MTCL1: variants seen among roughly 807,000 people sequenced by gnomAD.
MTCL1 encodes microtubule cross-linking factor 1.
MTCL1 carries 79 observed loss-of-function variants against 141.4 expected under a neutral mutation model. That is an observed-to-expected ratio of 0.56 (90% CI 0.47 to 0.67). MTCL1 has a LOEUF of 0.67. Among genes scored for constraint, MTCL1 ranks in the 30% least tolerant of loss-of-function variants. The pLI is 0.00. For missense variants in MTCL1, 2,177 were observed against 2,113.9 expected, an observed-to-expected ratio of 1.03 and a Z score of -0.59; for synonymous variants, 914 against 875.8, an observed-to-expected ratio of 1.04 and a Z score of -0.77.
Position 8,819,078 on chromosome 18 carries a change from T to C in MTCL1, c.2975T>C (p.Met992Thr), listed in dbSNP as rs751488272. Reference sequence around the variant, plus strand: ...CTCCGCATGCCCCGTCCAGTGGCCATGTGGCCTTGTGCAGATGCTGACTCC... The same window carrying C: ...CTCCGCATGCCCCGTCCAGTGGCCACGTGGCCTTGTGCAGATGCTGACTCC... The change falls in exon 13 of 17, where the codon ATG becomes ACG. Residue 992 changes from methionine (M) to threonine (T), a missense_variant. Transcript: ENST00000359865. 4 of 1,614,126 alleles carry C rather than the reference T, an allele frequency of 2.5e-6. No homozygotes were observed. In the Admixed American group the frequency reaches 5.0e-5, roughly 20 times the overall value.
intron 4 of MTCL1, among the ~76,000 whole-genome samples, chr18:8,764,877 C>T (rs2096452334): frequency 6.6e-6 from 1 of 152,186 alleles, no homozygotes; most frequent in African/African-American, 2.4e-5. Flanking sequence ...GTCATGGAGG[C>T]TTTTAAAAAC....
exon 17 of MTCL1, chr18:8,831,610 C>G (rs199685634): frequency 1.4e-4 from 221 of 1,550,364 alleles, no homozygotes; most frequent in Non-Finnish European, 1.9e-4. Flanking sequence ...TCTGAAGGAA[C>G]TACCTTGTTC....
intron 11 of MTCL1, among the ~76,000 whole-genome samples, chr18:8,807,323 T>G (rs1002119239): frequency 6.6e-6 from 1 of 152,184 alleles, no homozygotes; most frequent in Non-Finnish European, 1.5e-5. Context: ...TAAACAAGCT[T>G]GTATTTAGCT....
At chr18:8,713,475 A>G (rs2096107176), upstream of MTCL1, among the ~76,000 whole-genome samples, 1 of 152,240 alleles carries the variant, frequency 6.6e-6, no homozygotes, top group Admixed American at 6.5e-5. Context: ...GATGTCATTA[A>G]GGTTCTGCAA....
intron 4 of MTCL1, among the ~76,000 whole-genome samples, chr18:8,742,728 A>G (rs1219940801): frequency 6.6e-6 from 1 of 152,226 alleles, no homozygotes; most frequent in Admixed American, 6.5e-5. Flanking sequence ...AGTCTCAGAT[A>G]CCTACACACG....
In MTCL1 at chr18:8,830,579, A is replaced by C. The variant is rs1455284267; in HGVS notation, c.*19-1028A>C. Reference sequence around the variant, plus strand: ...GGGCTGTCCTCATCCTGGTCTTTTCAGTTGCTTGTCACATCTTTTTAAATC... The same window carrying C: ...GGGCTGTCCTCATCCTGGTCTTTTCCGTTGCTTGTCACATCTTTTTAAATC... On this transcript the variant is annotated intron_variant, in intron 16 of 16. Transcript: ENST00000359865. The surrounding 1 kb of genome is among the most constrained non-coding windows in gnomAD (Gnocchi z 6.4). The C allele has an allele frequency of 2.0e-6, 2 of 985,814 alleles. No individual in the cohort carries two copies. Among genetic ancestry groups the C allele is most frequent in the East Asian group, 1.1e-4 (1 of 8,846 alleles). The allele number at this position is 985,814 out of a possible 1,614,324, so 61.1% of individuals were successfully genotyped here.
chr18:8,780,076 G>A (rs2096527613), intron 5 of MTCL1, among the ~76,000 whole-genome samples: 1 of 152,140 alleles, frequency 6.6e-6, no homozygotes, highest in Non-Finnish European at 1.5e-5. Flanking sequence ...ATAACCTCCA[G>A]CGTGTTTCAG....
At chr18:8,817,274 AAAG>A (rs1258462417) in intron 12 of MTCL1, among the ~76,000 whole-genome samples, 1 of 28,890 alleles carries the variant, frequency 3.5e-5, no homozygotes, top group Non-Finnish European at 9.4e-5. Flanking sequence ...TTTTTTTTTT[AAAG>A]AAAGCAGTTA....
intron 2 of MTCL1, chr18:8,718,096 TTG>T: frequency 2.8e-6 from 2 of 704,748 alleles, no homozygotes; most frequent in South Asian, 3.1e-5. Flanking sequence ...AATGTTTGGT[TTG>T]AATTGAAAGG....
intron 11 of MTCL1, 193 bp from the exon 11 acceptor site, chr18:8,812,786 C>T (rs1426760601): frequency 2.8e-5 from 18 of 642,922 alleles, no homozygotes; most frequent in East Asian, 3.0e-5. Context: ...GTTTACTCAC[C>T]GCTTAACATT....
intron 16 of MTCL1, chr18:8,829,042 T>C: frequency 6.2e-7 from 1 of 1,610,916 alleles, no homozygotes; most frequent in Non-Finnish European, 8.5e-7. Flanking sequence ...CTGACGCTCA[T>C]CACCTGAGGG....
rs372571456 is a variant in MTCL1 at position 8,802,881 on chromosome 18, CT to C, written c.2437-4011del. Among the ~76,000 whole-genome samples, 717 of 152,292 alleles carry C rather than the reference CT, an allele frequency of 4.7e-3. 4 individuals are homozygous for C. The highest frequency in any genetic ancestry group is 0.016 in the African/African-American group (677 of 41,542). The stretch of plus-strand genomic sequence containing the variant: ...ATGTACAAGCTAAAAGGTTGCACGG[CT>C]AGACCCCGGCACAAGAGGTTCAGAA... On this transcript the variant is annotated intron_variant, in intron 10 of 16. Transcript: ENST00000359865.
At chr18:8,720,211 A>G in intron 3 of MTCL1, 127 bp from the exon 3 acceptor site, 1 of 835,310 alleles carries the variant, frequency 1.2e-6, no homozygotes, top group South Asian at 1.8e-5. Flanking sequence ...TCAGTTGTGT[A>G]TTGCCAGGGT....
At position 8,812,570 on chromosome 18, in the gene MTCL1, A is replaced by G. The variant is rs180785077; in HGVS notation, c.2605-409A>G. ...AGATGTAGAATCTTGTTTGGTTTTGATATTTAACCTCCTGGGTATTTGACA... is the reference window on the plus strand; with the variant it reads ...AGATGTAGAATCTTGTTTGGTTTTGGTATTTAACCTCCTGGGTATTTGACA... On this transcript the variant is annotated intron_variant, in intron 11 of 16. Coordinates refer to ENST00000359865, the Ensembl canonical transcript of MTCL1. Among the ~76,000 whole-genome samples, 11 of 152,170 alleles carry G rather than the reference A, an allele frequency of 7.2e-5. No individual in the cohort carries two copies. The East Asian group carries it at 1.7e-3, about 24-fold the overall frequency.
intron 13 of MTCL1, 44 bp downstream of exon 12, chr18:8,819,303 G>A (rs758993658): frequency 1.9e-6 from 3 of 1,594,808 alleles, no homozygotes; most frequent in Non-Finnish European, 2.6e-6. Flanking sequence ...TGTGGAATGA[G>A]GGAGCCGTCA....
intron 11 of MTCL1, 67 bp downstream of exon 10, chr18:8,807,127 G>A (rs778323733): frequency 8.1e-6 from 12 of 1,483,516 alleles, no homozygotes; most frequent in Non-Finnish European, 1.1e-5. Flanking sequence ...ATGTGGCGGG[G>A]GAGCGGGCAC....
intron 10 of MTCL1, 38 bp downstream of exon 9, chr18:8,798,329 C>G (rs1291969054): frequency 3.5e-6 from 5 of 1,439,720 alleles, no homozygotes; most frequent in Non-Finnish European, 4.6e-6. Flanking sequence ...CCTGCCCACA[C>G]CAGGGAGAGG....
At chr18:8,764,569 C>T (rs868860117) in intron 4 of MTCL1, among the ~76,000 whole-genome samples, 46 of 152,118 alleles carry the variant, frequency 3.0e-4, no homozygotes, top group Non-Finnish European at 4.9e-4. Flanking sequence ...CCACCTGCCT[C>T]GGCCTCTCAA....
intron 16 of MTCL1, chr18:8,829,312 G>C: frequency 1.0e-6 from 1 of 985,440 alleles, no homozygotes; most frequent in Non-Finnish European, 1.2e-6. Flanking sequence ...GCCTGAGGGG[G>C]TCTTTGGGCC....
Sources: gnomAD v4.1 joint callset for allele counts (sites outside exome capture counted in the v4.1 genomes callset) on GRCh38, gnomAD v4.1.1 for gene constraint, Gnocchi (gnomAD v3.1) non-coding constraint, MANE v1.5 for transcripts, NCBI Gene and HGNC (gene_info 2026-07-23, HGNC 2026-07-21) for gene names.